The following COG5 variants were observed in gnomAD, a reference collection of about 807,000 sequenced individuals.
The protein encoded by COG5 is conserved oligomeric Golgi complex subunit 5.
Under a neutral mutation model 110.4 loss-of-function variants are expected in COG5, and 86 were observed. The ratio of observed to expected loss-of-function variants is 0.78; its 90% CI spans 0.65 to 0.93. The LOEUF is 0.93. Ranked by LOEUF, COG5 falls within the 40% of genes least tolerant of loss-of-function variation. COG5 has a pLI of 0.00. For missense variants in COG5, 1,077 were observed against 987.0 expected (o/e 1.09, Z -1.22); for synonymous variants, 360 against 334.6 (o/e 1.08, Z -0.83).
chr7:107,201,575 A>G lies in COG5; in HGVS notation c.*1941T>C, dbSNP rs1002830899. 2.1e-6 allele frequency: 1 copy of G among 471,944 alleles called. No homozygotes were observed. Among genetic ancestry groups the G allele is most frequent in the Non-Finnish European group, 3.9e-6 (1 of 256,354 alleles). The allele number at this position is 471,944 out of a possible 1,614,324, so 29.2% of individuals were successfully genotyped here. A position where few individuals can be genotyped will look rare whatever the true frequency, so the allele number is the denominator to read the frequency against. ...TAGCATTGAGTCTTGAAATGATTTA[A>G]TAATATGAGTGAGGATTTGCTTTCT... On this transcript the variant is annotated 3_prime_UTR_variant, in exon 22 of 22. Coordinates refer to ENST00000297135, the MANE Select transcript of COG5 (RefSeq NM_006348.5).
chr7:107,333,228 G>C (rs1047403239), intron 10 of COG5, among the ~76,000 whole-genome samples: 22 of 152,162 alleles, frequency 1.4e-4, no homozygotes, highest in Non-Finnish European at 1.6e-4. Context: ...TGGATTCAAA[G>C]CAGAGGGATC....
At chr7:107,235,483 T>A (rs1383959472) in intron 18 of COG5, among the ~76,000 whole-genome samples, 1 of 152,234 alleles carries the variant, frequency 6.6e-6, no homozygotes, top group Non-Finnish European at 1.5e-5. Flanking sequence ...GGCGGGTGGA[T>A]CACAAGGTCA....
At chr7:107,330,114 A>G (rs1810112464) in intron 10 of COG5, among the ~76,000 whole-genome samples, 1 of 152,226 alleles carries the variant, frequency 6.6e-6, no homozygotes, top group Non-Finnish European at 1.5e-5. Context: ...ACAATGATCT[A>G]TTTATAACTG....
chr7:107,528,824 T>C (rs1321539128), intron 5 of COG5, among the ~76,000 whole-genome samples: 2 of 152,072 alleles, frequency 1.3e-5, no homozygotes, highest in Non-Finnish European at 2.9e-5. Flanking sequence ...AACATTCTTT[T>C]ATGGGTGAAA....
intron 10 of COG5, among the ~76,000 whole-genome samples, chr7:107,339,659 T>C (rs1246553636): frequency 6.6e-6 from 1 of 151,962 alleles, no homozygotes; most frequent in African/African-American, 2.4e-5. Flanking sequence ...TAAATTGAAA[T>C]ACCCATCATA....
intron 14 of COG5, among the ~76,000 whole-genome samples, chr7:107,265,567 T>G (rs796259648): frequency 3.9e-5 from 6 of 152,348 alleles, no homozygotes; most frequent in African/African-American, 1.4e-4. Flanking sequence ...GCACTCAGCC[T>G]TAATTTTTAT....
rs551645617 is a variant in COG5 at position 107,543,521 on chromosome 7, G to A, written c.417+4590C>T. On this transcript the variant is annotated intron_variant, in intron 5 of 21. Transcript: ENST00000297135. ...GACCCCAGGCCCCAGACCAGCCCTC[G>A]GCTTCAGGCTAATCCCAACTCAGGC... is the stretch of plus-strand genomic sequence containing the variant. Among the ~76,000 whole-genome samples the A allele has an allele frequency of 1.1e-4, 16 of 152,232 alleles. No homozygotes were observed. In the East Asian group the frequency reaches 1.7e-3, roughly 17 times the overall value.
chr7:107,507,947 G>A lies in COG5; in HGVS notation c.538+19290C>T, dbSNP rs764393986. ...TGGCTGAACAGGAACAGCTCCCAGC[G>A]TGAGCGACGCAGAAGACGGGTGATT... is the stretch of plus-strand genomic sequence containing the variant. On this transcript the variant is annotated intron_variant, in intron 6 of 21. Transcript: ENST00000297135. Among the ~76,000 whole-genome samples, 70 of 152,328 alleles carry A rather than the reference G, an allele frequency of 4.6e-4. 1 individual carries two copies. Among genetic ancestry groups the A allele is most frequent in the Admixed American group, 1.2e-3 (18 of 15,306 alleles).
chr7:107,238,425 A>G (rs1375994661), intron 17 of COG5, among the ~76,000 whole-genome samples: 2 of 152,178 alleles, frequency 1.3e-5, no homozygotes, highest in Non-Finnish European at 2.9e-5. Flanking sequence ...GATTGATTCC[A>G]TAACTTGGCC....
At chr7:107,470,663 T>G (rs1272915190) in intron 6 of COG5, among the ~76,000 whole-genome samples, 1 of 152,124 alleles carries the variant, frequency 6.6e-6, no homozygotes, top group Non-Finnish European at 1.5e-5. Flanking sequence ...GTAAATTCAT[T>G]ATGAAGACAG....
chr7:107,298,056 A>G (rs1363049448), intron 12 of COG5, 86 bp downstream of exon 12: 2 of 589,244 alleles, frequency 3.4e-6, no homozygotes, highest in East Asian at 8.2e-5. Context: ...TACTTAATTT[A>G]TAATTTAAAA....
chr7:107,479,022 A>C (rs1797154898), intron 6 of COG5, among the ~76,000 whole-genome samples: 1 of 152,102 alleles, frequency 6.6e-6, no homozygotes, highest in Admixed American at 6.6e-5. Context: ...GATACTTTGA[A>C]TTATATGAAA....
chr7:107,405,943 T>C (rs1791802433), intron 7 of COG5, among the ~76,000 whole-genome samples: 1 of 152,218 alleles, frequency 6.6e-6, no homozygotes, highest in African/African-American at 2.4e-5. Context: ...CCCAATCTGC[T>C]GGCACCTCCA....
intron 5 of COG5, among the ~76,000 whole-genome samples, chr7:107,538,547 T>C (rs1418743753): frequency 6.6e-6 from 1 of 152,108 alleles, no homozygotes; most frequent in African/African-American, 2.4e-5. Flanking sequence ...ACAACAAAAC[T>C]CAGCTATTTA....
At chr7:107,475,253 A>G in intron 6 of COG5, 1 of 1,604,790 alleles carries the variant, frequency 6.2e-7, no homozygotes, top group Non-Finnish European at 8.5e-7. Context: ...CTGCCTAATA[A>G]TGCTGTAATA....
intron 11 of COG5, among the ~76,000 whole-genome samples, chr7:107,316,871 T>C (rs1403952515): frequency 6.6e-6 from 1 of 151,892 alleles, no homozygotes; most frequent in African/African-American, 2.4e-5. Context: ...CACTGACAAG[T>C]AAATGGCAGT....
intron 6 of COG5, among the ~76,000 whole-genome samples, chr7:107,415,249 C>A (rs1195514850): frequency 6.6e-6 from 1 of 151,852 alleles, no homozygotes; most frequent in African/African-American, 2.4e-5. Context: ...TCTTCATGCA[C>A]CATGATGAGG....
intron 6 of COG5, among the ~76,000 whole-genome samples, chr7:107,471,187 T>C (rs977007464): frequency 6.6e-6 from 1 of 152,058 alleles, no homozygotes; most frequent in Admixed American, 6.6e-5. Flanking sequence ...ATATACAATC[T>C]TTATTAGGAA....
intron 5 of COG5, 77 bp downstream of exon 5, chr7:107,548,034 C>T: frequency 4.9e-6 from 6 of 1,219,628 alleles, no homozygotes; most frequent in Non-Finnish European, 7.2e-6. Flanking sequence ...TTCTTCCAAA[C>T]TCATACTCTT....
Sources: gnomAD v4.1 joint callset for allele counts (sites outside exome capture counted in the v4.1 genomes callset) on GRCh38, gnomAD v4.1.1 for gene constraint, MANE v1.5 for transcripts, NCBI Gene and HGNC (gene_info 2026-07-23, HGNC 2026-07-21) for gene names.